The following KIFAP3 variants were observed in gnomAD, a reference collection of about 807,000 sequenced individuals.
KIFAP3 encodes kinesin associated protein 3.
A neutral mutation model predicts 106.5 loss-of-function variants in KIFAP3; 68 were observed. The observed-to-expected ratio is 0.64, with a 90% CI of 0.53 to 0.78. KIFAP3 has a LOEUF of 0.78. Among genes scored for constraint, KIFAP3 ranks in the 30% least tolerant of loss-of-function variants. The pLI, the probability that KIFAP3 is intolerant of heterozygous loss-of-function variation, is 0.00. For synonymous variants in KIFAP3, 320 were observed against 311.5 expected (o/e 1.03, Z -0.29); for missense variants, 780 against 941.8 (o/e 0.83, Z 2.25).
At chr1:170,042,309 G>C (rs1670022170) in intron 3 of KIFAP3, among the ~76,000 whole-genome samples, 1 of 152,112 alleles carries the variant, frequency 6.6e-6, no homozygotes, top group African/African-American at 2.4e-5. Flanking sequence ...GGTGATCAAA[G>C]CTCTGCTCTT....
At chr1:169,984,778 C>A in intron 11 of KIFAP3, 88 bp from the exon 12 acceptor site, 1 of 672,894 alleles carries the variant, frequency 1.5e-6, no homozygotes, top group Non-Finnish European at 2.7e-6. Context: ...AATGTGTTAT[C>A]TTAGATTGTA....
At chr1:169,996,524 A>G (rs993479073) in intron 10 of KIFAP3, among the ~76,000 whole-genome samples, 21 of 152,158 alleles carry the variant, frequency 1.4e-4, no homozygotes, top group African/African-American at 4.8e-4. Flanking sequence ...GGTAGGTATT[A>G]TCTTTGATTC....
chr1:170,070,565 T>C (rs994795983), intron 1 of KIFAP3, among the ~76,000 whole-genome samples: 31 of 152,146 alleles, frequency 2.0e-4, no homozygotes, highest in Non-Finnish European at 2.5e-4. Context: ...TCAATTGTTC[T>C]TTTCTGACAT....
intron 2 of KIFAP3, 114 bp downstream of exon 2, chr1:170,055,191 A>G: frequency 1.2e-6 from 1 of 843,068 alleles, no homozygotes; most frequent in Non-Finnish European, 1.7e-6. Flanking sequence ...AAGATGAAGT[A>G]TGCCTGGAAG....
At chr1:169,997,853 G>A (rs1346386922) in intron 10 of KIFAP3, among the ~76,000 whole-genome samples, 1 of 123,778 alleles carries the variant, frequency 8.1e-6, no homozygotes, top group Non-Finnish European at 1.6e-5. Flanking sequence ...CTGGGCAGCT[G>A]AGTGAGACGT....
Position 170,015,401 on chromosome 1 carries a change from C to T in KIFAP3, c.1183+1061G>A, listed in dbSNP as rs188756947. 3.9e-5 allele frequency among the ~76,000 whole-genome samples: 6 copies of T among 152,212 alleles called. 1 individual carries two copies. In the East Asian group the frequency reaches 1.2e-3, roughly 29 times the overall value. Reference sequence around the variant, plus strand: ...CTTTACTCTTAAAGTTTTCCTTATTCCTCCTCAAATGTCTACATTGCTTTG... The same window carrying T: ...CTTTACTCTTAAAGTTTTCCTTATTTCTCCTCAAATGTCTACATTGCTTTG... On this transcript the variant is annotated intron_variant, in intron 10 of 19. Transcript: ENST00000361580.
chr1:170,021,941 C>CTTTTTTT (rs71125221), intron 9 of KIFAP3, among the ~76,000 whole-genome samples: 24 of 77,884 alleles, frequency 3.1e-4, no homozygotes, highest in African/African-American at 4.8e-4. Context: ...TCTTTTCTTT[C>CTTTTTTT]TTTTTTTTTT....
intron 5 of KIFAP3, among the ~76,000 whole-genome samples, chr1:170,035,804 CA>C (rs1287636326): frequency 6.6e-6 from 1 of 151,974 alleles, no homozygotes; most frequent in African/African-American, 2.4e-5. Flanking sequence ...GATAAAGTGA[CA>C]TATGTTATGG....
intron 1 of KIFAP3, among the ~76,000 whole-genome samples, chr1:170,055,955 G>C (rs1242290885): frequency 6.6e-6 from 1 of 152,002 alleles, no homozygotes; most frequent in Non-Finnish European, 1.5e-5. Context: ...AACATAGCGA[G>C]ACTCTGTTTC....
chr1:169,967,854 C>T (rs1665706357), intron 17 of KIFAP3, among the ~76,000 whole-genome samples: 1 of 151,680 alleles, frequency 6.6e-6, no homozygotes, highest in East Asian at 1.9e-4. Context: ...TCTCTAACCC[C>T]ATCCACCAAT....
At chr1:169,955,310 GT>G (rs1664951188) in intron 18 of KIFAP3, among the ~76,000 whole-genome samples, 1 of 152,096 alleles carries the variant, frequency 6.6e-6, no homozygotes, top group Non-Finnish European at 1.5e-5. Flanking sequence ...CATAACCTCT[GT>G]TTTTAAGAAT....
intron 9 of KIFAP3, among the ~76,000 whole-genome samples, chr1:170,020,078 A>G (rs1668731349): frequency 6.6e-6 from 1 of 152,212 alleles, no homozygotes; most frequent in African/African-American, 2.4e-5. Flanking sequence ...TGCCACTTAT[A>G]ATGGTAAAAT....
chr1:169,991,968 G>A (rs1476784589), intron 11 of KIFAP3, among the ~76,000 whole-genome samples, 187 bp downstream of exon 11: 1 of 151,944 alleles, frequency 6.6e-6, no homozygotes, highest in Non-Finnish European at 1.5e-5. Flanking sequence ...TTATCTCTAA[G>A]TTTGGGATAA....
intron 16 of KIFAP3, among the ~76,000 whole-genome samples, chr1:169,974,753 A>C (rs1466305455): frequency 6.6e-6 from 1 of 151,906 alleles, no homozygotes; most frequent in African/African-American, 2.4e-5. Context: ...TTAATGAATA[A>C]ATAAATAATA....
intron 2 of KIFAP3, among the ~76,000 whole-genome samples, chr1:170,051,523 C>T (rs984114101): frequency 1.3e-5 from 2 of 152,196 alleles, no homozygotes; most frequent in African/African-American, 4.8e-5. Flanking sequence ...CTCTCTACTC[C>T]AAATAAACAG....
chr1:170,079,975 T>TA (rs896832625), intron 1 of KIFAP3, among the ~76,000 whole-genome samples: 1 of 152,044 alleles, frequency 6.6e-6, no homozygotes, highest in African/African-American at 2.4e-5. Context: ...TTTCAGGTGA[T>TA]ATTATCAGTG....
At chr1:170,069,306 C>T (rs1371812563) in intron 1 of KIFAP3, among the ~76,000 whole-genome samples, 13 of 152,036 alleles carry the variant, frequency 8.6e-5, no homozygotes, top group Non-Finnish European at 2.9e-5. Flanking sequence ...ATAAATACCC[C>T]TCAAACTCTT....
intron 9 of KIFAP3, among the ~76,000 whole-genome samples, chr1:170,021,423 T>C (rs544172186): frequency 6.6e-6 from 1 of 150,468 alleles, no homozygotes; most frequent in East Asian, 1.9e-4. Flanking sequence ...ACTTGGAGAG[T>C]TTGTTATTAA....
intron 16 of KIFAP3, among the ~76,000 whole-genome samples, chr1:169,973,820 T>C (rs1356662992): frequency 6.6e-6 from 1 of 151,820 alleles, no homozygotes; most frequent in Non-Finnish European, 1.5e-5. Context: ...TCACTAAGTA[T>C]AAAAGCATAT....
Sources: gnomAD v4.1 joint callset for allele counts (sites outside exome capture counted in the v4.1 genomes callset) on GRCh38, gnomAD v4.1.1 for gene constraint, MANE v1.5 for transcripts, NCBI Gene and HGNC (gene_info 2026-07-23, HGNC 2026-07-21) for gene names.